KTN1: variants seen among roughly 807,000 people sequenced by gnomAD.
The protein encoded by KTN1 is kinectin 1.
Under a neutral mutation model 222.5 loss-of-function variants are expected in KTN1, and 130 were observed. That is an observed-to-expected ratio of 0.58 (90% confidence interval 0.51 to 0.68). The LOEUF (loss-of-function observed/expected upper bound fraction) is 0.68. Ranked by LOEUF, KTN1 falls within the 30% of genes least tolerant of loss-of-function variation. The pLI is 0.00. For synonymous variants in KTN1, 512 were observed against 496.3 expected (o/e 1.03, Z -0.42); for missense variants, 1,508 against 1,500.4 (o/e 1.01, Z -0.08).
intron 21 of KTN1, among the ~76,000 whole-genome samples, chr14:55,649,257 G>A (rs946956088): frequency 6.6e-6 from 1 of 152,126 alleles, no homozygotes; most frequent in African/African-American, 2.4e-5. Flanking sequence ...GCAAACTGTT[G>A]CATAAAAACA....
intron 19 of KTN1, 51 bp downstream of exon 19, chr14:55,647,058 T>G: frequency 9.4e-7 from 1 of 1,066,052 alleles, no homozygotes; most frequent in Non-Finnish European, 1.4e-6. Context: ...TCTACCAAAT[T>G]AACTACATTA....
Position 55,594,894 on chromosome 14 carries a change from T to C in KTN1, c.-31+14540T>C, listed in dbSNP as rs551967471. Reference sequence around the variant, plus strand: ...GTGTAGTTGGTAGAGTGTCACTTTTTGGGAAGTCTGTTTCTTCTGTACTGT... The same window carrying C: ...GTGTAGTTGGTAGAGTGTCACTTTTCGGGAAGTCTGTTTCTTCTGTACTGT... On this transcript the variant is annotated intron_variant, in intron 1 of 43. Transcript: ENST00000395314. 3.9e-5 allele frequency among the ~76,000 whole-genome samples: 6 copies of C among 152,350 alleles called. No homozygotes were observed. The East Asian group carries it at 1.2e-3, about 29-fold the overall frequency.
At chr14:55,595,375 G>A (rs1374849904) in intron 1 of KTN1, among the ~76,000 whole-genome samples, 1 of 152,214 alleles carries the variant, frequency 6.6e-6, no homozygotes, top group Non-Finnish European at 1.5e-5. Context: ...TCATTATGTG[G>A]TTAAGTCTGT....
chr14:55,621,994 A>G (rs2039206509), intron 5 of KTN1, among the ~76,000 whole-genome samples: 1 of 151,236 alleles, frequency 6.6e-6, no homozygotes, highest in South Asian at 2.1e-4. Context: ...GATTACAGGC[A>G]TGCACCACCA....
intron 31 of KTN1, 144 bp downstream of exon 31, chr14:55,659,847 G>A (rs753618235): frequency 3.5e-6 from 2 of 565,604 alleles, no homozygotes; most frequent in Non-Finnish European, 6.4e-6. Flanking sequence ...GCAGTTTAGA[G>A]TTGAGTAGTA....
At position 55,673,209 on chromosome 14, in the gene KTN1, A is replaced by G. The variant is rs2045600064; in HGVS notation, c.3725A>G (p.Asp1242Gly). 2 of 1,613,222 alleles carry G rather than the reference A, an allele frequency of 1.2e-6. No homozygotes were observed. The highest frequency in any genetic ancestry group is 1.7e-6 in the Non-Finnish European group (2 of 1,179,450). ...DLLTELQKKL[D>G]DSYSEAVRQN... is the part of the protein sequence containing the mutation. ...TTGACTGAATTGCAGAAAAAACTTG[A>G]TGATTCATATTCTGAAGCAGTAAGA... The change falls in exon 40 of 44, where the codon GAT (aspartate) becomes GGT (glycine). Residue 1242 changes from aspartate to glycine, a missense_variant. Asp to Gly is a moderately conservative substitution (Grantham distance 94). Transcript: ENST00000395314.
In KTN1 at chr14:55,646,436, C is replaced by CTTTCCTTTTCCTTTTCCT. The variant is rs1251932293; in HGVS notation, c.2173-522_2173-505dup. ...TTTTTTCCTTTCTTTCCTTCCTTTC[C>CTTTCCTTTTCCTTTTCCT]TTTCCTTTTCCTTTTCCTTTTCCTT... On this transcript the variant is annotated intron_variant, in intron 18 of 43. Coordinates refer to ENST00000395314, the MANE Select transcript of KTN1 (RefSeq NM_001079521.2). Among the ~76,000 whole-genome samples the CTTTCCTTTTCCTTTTCCT allele has an allele frequency of 3.5e-4, 34 of 96,894 alleles. 3 individuals are homozygous for CTTTCCTTTTCCTTTTCCT. The highest frequency in any genetic ancestry group is 1.4e-3 in the African/African-American group (33 of 23,052). 63.6% of individuals were successfully genotyped at this position (96,894 alleles called of 152,430 possible).
At chr14:55,662,852 C>T (rs1030228011) in intron 32 of KTN1, 18 of 455,726 alleles carry the variant, frequency 3.9e-5, no homozygotes, top group South Asian at 6.2e-5. Context: ...GTGAACTTGC[C>T]GATATACTGC....
Position 55,653,596 on chromosome 14 carries a change from T to A in KTN1, c.2801T>A (p.Val934Glu). 6.2e-7 allele frequency: 1 copy of A among 1,608,068 alleles called. No homozygotes were observed. Among genetic ancestry groups the A allele is most frequent in the Non-Finnish European group, 8.5e-7 (1 of 1,175,088 alleles). ...SASQFEELEI[V>E]LKEKENELKR... ...TCACAGTTTGAAGAACTTGAGATTGTGTAAGTATGCTTTAAGACCACATTT... is the reference window on the plus strand; with the variant it reads ...TCACAGTTTGAAGAACTTGAGATTGAGTAAGTATGCTTTAAGACCACATTT... The change falls in exon 28 of 44, where the codon GTG (valine) becomes GAG (glutamate). Residue 934 changes from valine to glutamate, a missense_variant and splice_region_variant. Transcript: ENST00000395314.
chr14:55,648,759 T>C (rs996314829), intron 20 of KTN1, 43 bp from the exon 21 acceptor site: 5 of 1,283,026 alleles, frequency 3.9e-6, no homozygotes, highest in Non-Finnish European at 5.6e-6. Flanking sequence ...GCTATATTTT[T>C]CAGAGAGTAA....
intron 4 of KTN1, 111 bp downstream of exon 4, chr14:55,618,245 A>T: frequency 1.3e-6 from 1 of 792,906 alleles, no homozygotes; most frequent in Non-Finnish European, 1.9e-6. Flanking sequence ...AAAAGAATCA[A>T]ATCCTTGTGG....
At chr14:55,620,216 T>C (rs1472664200) in intron 5 of KTN1, among the ~76,000 whole-genome samples, 1 of 152,172 alleles carries the variant, frequency 6.6e-6, no homozygotes, top group Non-Finnish European at 1.5e-5. Context: ...CTTGGGCAGC[T>C]CCGCCCCTGT....
chr14:55,638,287 G>A (rs1265030922), intron 12 of KTN1, among the ~76,000 whole-genome samples: 1 of 151,868 alleles, frequency 6.6e-6, no homozygotes, highest in African/African-American at 2.4e-5. Context: ...TTGTACCTCA[G>A]TTTAGTGACT....
At chr14:55,583,252 G>A (rs1359067498) in intron 1 of KTN1, among the ~76,000 whole-genome samples, 1 of 152,122 alleles carries the variant, frequency 6.6e-6, no homozygotes, top group Admixed American at 6.5e-5. Flanking sequence ...TTTGACAGAG[G>A]TGGCAGTGAA....
intron 40 of KTN1, chr14:55,674,260 G>A (rs981229454): frequency 6.6e-6 from 1 of 151,952 alleles, no homozygotes; most frequent in Non-Finnish European, 1.5e-5. Context: ...CAATTTTGGG[G>A]GGGGATTTTG....
intron 1 of KTN1, among the ~76,000 whole-genome samples, chr14:55,589,999 A>C (rs1265472580): frequency 2.0e-5 from 3 of 152,138 alleles, no homozygotes; most frequent in Non-Finnish European, 4.4e-5. Flanking sequence ...ATAAGTAAAA[A>C]CAAAACAAAA....
At chr14:55,622,100 G>A (rs1445960270) in intron 5 of KTN1, among the ~76,000 whole-genome samples, 5 of 152,026 alleles carry the variant, frequency 3.3e-5, no homozygotes. Flanking sequence ...GCCTGCCTCG[G>A]CCTCCCAAAG....
chr14:55,678,440 A>G lies in KTN1; in HGVS notation c.3944A>G (p.Glu1315Gly). 6.3e-7 allele frequency: 1 copy of G among 1,595,108 alleles called. No individual in the cohort carries two copies. Among genetic ancestry groups the G allele is most frequent in the African/African-American group, 1.3e-5 (1 of 74,608 alleles). ...TVIENSDVSP[E>G]TESSEKETMS... The stretch of plus-strand genomic sequence containing the variant: ...ATTGAAAATAGTGATGTTTCCCCAG[A>G]AACGGTATGTATTTTCTTCATCCCC... The change falls in exon 42 of 44, where the codon GAA becomes GGA. Residue 1315 changes from glutamate (E) to glycine (G), a missense_variant. Glu to Gly is a moderately conservative substitution (Grantham distance 98). Transcript: ENST00000395314.
intron 4 of KTN1, among the ~76,000 whole-genome samples, chr14:55,618,404 A>G (rs2038686374): frequency 6.6e-6 from 1 of 151,988 alleles, no homozygotes; most frequent in Non-Finnish European, 1.5e-5. Context: ...TTCTTGGCTA[A>G]TTCATAACTG....
Sources: gnomAD v4.1 joint callset for allele counts (sites outside exome capture counted in the v4.1 genomes callset) on GRCh38, gnomAD v4.1.1 for gene constraint, MANE v1.5 for transcripts, NCBI Gene and HGNC (gene_info 2026-07-23, HGNC 2026-07-21) for gene names.